MYO3A: variants seen among roughly 807,000 people sequenced by gnomAD.
The protein encoded by MYO3A is myosin IIIA, also known as myosin-IIIa.
MYO3A carries 180 observed loss-of-function variants against 192.7 expected under a neutral mutation model. The observed-to-expected ratio is 0.93, with a 90% confidence interval of 0.83 to 1.06. The LOEUF is 1.06. Ranked by LOEUF, MYO3A falls within the 50% of genes least tolerant of loss-of-function variation. MYO3A has a pLI of 0.00. For missense variants in MYO3A, 1,896 were observed against 1,905.0 expected (o/e 1.00, Z 0.09); for synonymous variants, 628 against 645.3 (o/e 0.97, Z 0.41).
intron 20 of MYO3A, among the ~76,000 whole-genome samples, chr10:26,140,607 C>G (rs1250415979): frequency 1.3e-5 from 2 of 151,580 alleles, no homozygotes; most frequent in East Asian, 3.9e-4. Flanking sequence ...ATTACTCGAA[C>G]CCGGGAAGTG....
At chr10:25,981,133 A>G (rs983703086) in intron 4 of MYO3A, among the ~76,000 whole-genome samples, 2 of 152,096 alleles carry the variant, frequency 1.3e-5, no homozygotes, top group Admixed American at 6.5e-5. Flanking sequence ...TCATTCAGCA[A>G]TATGCATTTA....
intron 17 of MYO3A, among the ~76,000 whole-genome samples, chr10:26,109,515 T>C (rs1838029164): frequency 6.6e-6 from 1 of 152,154 alleles, no homozygotes; most frequent in African/African-American, 2.4e-5. Flanking sequence ...AGTAACCCTG[T>C]TGGTTATCAG....
intron 4 of MYO3A, among the ~76,000 whole-genome samples, chr10:25,982,903 A>C (rs1168390065): frequency 1.3e-5 from 2 of 152,174 alleles, no homozygotes; most frequent in African/African-American, 4.8e-5. Flanking sequence ...CACCGCCAAA[A>C]GATCATACCA....
At chr10:26,045,849 AG>A (rs1843610252) in intron 10 of MYO3A, among the ~76,000 whole-genome samples, 1 of 152,102 alleles carries the variant, frequency 6.6e-6, no homozygotes, top group Non-Finnish European at 1.5e-5. Context: ...CGTTTCTACA[AG>A]GTTGTCCATG....
intron 26 of MYO3A, among the ~76,000 whole-genome samples, chr10:26,164,506 C>T (rs11014979): frequency 0.33 from 49,773 of 151,726 alleles, 8,343 homozygotes; most frequent in South Asian, 0.44. Flanking sequence ...GAGAGAGGTA[C>T]GGAGGGCAGG....
In MYO3A at chr10:25,981,547, G is replaced by A. The variant is rs541552833; in HGVS notation, c.304-14943G>A. On this transcript the variant is annotated intron_variant, in intron 4 of 34. Coordinates refer to ENST00000642920, the MANE Select transcript of MYO3A (RefSeq NM_017433.5). ...CTTCCAAAACATCTATTATGATAAA[G>A]GACTTATATCCAGAATATATAAAGA... 3.4e-4 allele frequency among the ~76,000 whole-genome samples: 52 copies of A among 152,168 alleles called. 4 individuals carry two copies. The South Asian group carries it at 0.011, about 32-fold the overall frequency.
intron 10 of MYO3A, among the ~76,000 whole-genome samples, chr10:26,048,806 T>C (rs891937121): frequency 2.6e-5 from 4 of 152,168 alleles, no homozygotes; most frequent in African/African-American, 9.7e-5. Flanking sequence ...GAAATCCATG[T>C]TGGAGATAAT....
intron 4 of MYO3A, among the ~76,000 whole-genome samples, chr10:25,967,834 A>C (rs1031092967): frequency 5.3e-5 from 8 of 152,220 alleles, no homozygotes; most frequent in Non-Finnish European, 7.3e-5. Flanking sequence ...TAACAGCACA[A>C]TAGGCATATG....
intron 34 of MYO3A, among the ~76,000 whole-genome samples, chr10:26,211,190 G>A (rs1844204199): frequency 6.6e-6 from 1 of 152,198 alleles, no homozygotes; most frequent in Admixed American, 6.5e-5. Flanking sequence ...GAATCAATGG[G>A]GAGTGAATGA....
intron 17 of MYO3A, among the ~76,000 whole-genome samples, chr10:26,100,163 C>G (rs1837343364): frequency 6.6e-6 from 1 of 152,118 alleles, no homozygotes; most frequent in Admixed American, 6.5e-5. Flanking sequence ...AGGAATTTAT[C>G]CATTTCTTCT....
chr10:26,119,425 A>G (rs888138630), intron 17 of MYO3A, among the ~76,000 whole-genome samples: 1 of 152,216 alleles, frequency 6.6e-6, no homozygotes, highest in Non-Finnish European at 1.5e-5. Flanking sequence ...TGTTTTTATT[A>G]GATCAATGAA....
chr10:26,007,147 C>T lies in MYO3A; in HGVS notation c.509-9673C>T, dbSNP rs1469948297. Among the ~76,000 whole-genome samples, 1,048 of 136,732 alleles carry T rather than the reference C, an allele frequency of 7.7e-3. 24 individuals are homozygous for T. The highest frequency in any genetic ancestry group is 0.02 in the African/African-American group (653 of 31,876). The allele number at this position is 136,732 out of a possible 152,430, so 89.7% of individuals were successfully genotyped here. A position where few individuals can be genotyped will look rare whatever the true frequency, so the allele number is the denominator to read the frequency against. ...GACAAAAACCACATGATTATCTCAA[C>T]AGATGCAGAAAAGGCCTTTGACAAA... On this transcript the variant is annotated intron_variant, in intron 6 of 34. Coordinates refer to ENST00000642920, the MANE Select transcript of MYO3A (RefSeq NM_017433.5).
At chr10:26,073,662 ATAAAT>A (rs138791981) in intron 14 of MYO3A, among the ~76,000 whole-genome samples, 71,425 of 151,118 alleles carry the variant, frequency 0.47, 17,813 homozygotes, top group Middle Eastern at 0.59. Flanking sequence ...TAATAAATAA[ATAAAT>A]AAATAATTAT....
At chr10:26,159,030 C>T (rs1212256525) in intron 26 of MYO3A, among the ~76,000 whole-genome samples, 1 of 146,938 alleles carries the variant, frequency 6.8e-6, no homozygotes. Flanking sequence ...TTTTTTGAGA[C>T]GGAGTCTTGC....
At chr10:26,078,402 G>A (rs1209442867) in intron 14 of MYO3A, among the ~76,000 whole-genome samples, 1 of 151,520 alleles carries the variant, frequency 6.6e-6, no homozygotes, top group African/African-American at 2.4e-5. Flanking sequence ...TCTTTTCTTG[G>A]TTAATCTTGC....
intron 10 of MYO3A, among the ~76,000 whole-genome samples, chr10:26,027,246 T>C (rs1842596882): frequency 6.6e-6 from 1 of 152,208 alleles, no homozygotes. Flanking sequence ...ATAAGTTTAT[T>C]TTAGGAAATT....
intron 10 of MYO3A, among the ~76,000 whole-genome samples, chr10:26,048,021 A>G (rs990283896): frequency 6.6e-6 from 1 of 152,182 alleles, no homozygotes; most frequent in Non-Finnish European, 1.5e-5. Flanking sequence ...TAATAAATCT[A>G]TTGACAGTAC....
rs1218311527 is a variant in MYO3A, at chr10:26,026,388, A to C, written c.809A>C (p.Lys270Thr). ...TTTTGCCAGTGCAGGTGCTTGACTA[A>C]AGATTATGAAAAGCGTCCAACAGTG... ...FNDFISKCLT[K>T]DYEKRPTVSE... is the part of the protein sequence containing the mutation. Residue 270 changes from lysine to threonine, a missense_variant, in exon 10 of 35, where the codon AAA becomes ACA. Transcript: ENST00000642920. 2 of 1,614,142 alleles carry C rather than the reference A, an allele frequency of 1.2e-6. No homozygotes were observed. Among genetic ancestry groups the C allele is most frequent in the East Asian group, 4.5e-5 (2 of 44,872 alleles).
intron 10 of MYO3A, among the ~76,000 whole-genome samples, chr10:26,028,550 A>G (rs1445975207): frequency 1.3e-5 from 2 of 152,202 alleles, no homozygotes; most frequent in Non-Finnish European, 2.9e-5. Context: ...CTGCAACCTC[A>G]TTCTTCCCGA....
Sources: allele counts gnomAD v4.1 joint callset (sites outside exome capture counted in the v4.1 genomes callset), GRCh38; gene constraint gnomAD v4.1.1; transcripts MANE v1.5; gene names NCBI Gene and HGNC (gene_info 2026-07-23, HGNC 2026-07-21).